SPO11: variants seen among roughly 807,000 people sequenced by gnomAD.
SPO11 encodes the protein SPO11 initiator of meiotic double strand breaks.
Under a neutral mutation model 51.6 loss-of-function variants are expected in SPO11, and 49 were observed. The ratio of observed to expected loss-of-function variants is 0.95; its 90% CI spans 0.75 to 1.20. The LOEUF (loss-of-function observed/expected upper bound fraction) is 1.20, where lower values mean the gene tolerates loss of function less well. SPO11 is among the 50% of genes most tolerant of loss of function. The probability of loss-of-function intolerance (pLI) is 0.00; values close to 1 mark genes in which losing one functional copy is unlikely to be tolerated. For missense variants in SPO11, 431 were observed against 473.4 expected (o/e 0.91, Z 0.83); for synonymous variants, 176 against 158.2 (o/e 1.11, Z -0.84).
rs753478196 is a variant in SPO11, at chr20:57,334,760, CA to C, written c.525del (p.Gly176ValfsTer2). On this transcript the variant is annotated frameshift_variant, in exon 6 of 13. Coordinates refer to ENST00000371263, the MANE Select transcript of SPO11 (RefSeq NM_012444.3). LOFTEE classifies it high-confidence loss of function. ...TATTATTTTTTGCAGTTATCTACATCAAAAGGTTTAATTGCTGGCAACTTAA... is the reference window on the plus strand; with the variant it reads ...TATTATTTTTTGCAGTTATCTACATCAAAGGTTTAATTGCTGGCAACTTAA... The part of the protein sequence containing the change: ...SRRSLHILST[S>X]KGLIAGNLRY... 3.7e-5 allele frequency: 59 copies of C among 1,613,126 alleles called. No individual in the cohort carries two copies. The highest frequency in any genetic ancestry group is 5.0e-5 in the Non-Finnish European group (59 of 1,179,550).
At chr20:57,333,353 G>A in intron 3 of SPO11, 77 bp downstream of exon 3, 1 of 1,055,244 alleles carries the variant, frequency 9.5e-7, no homozygotes, top group Non-Finnish European at 1.4e-6. Context: ...TTTGTTGCTA[G>A]TTAAATAATT....
Position 57,329,859 on chromosome 20 carries a change from T to TC in SPO11, c.-8dup. ...GGGCTTCTGGAGCTTCTGGCAGCCGTCTGCCCTCATGGCCTTTGCACCTAT... is the reference window on the plus strand; with the variant it reads ...GGGCTTCTGGAGCTTCTGGCAGCCGTCCTGCCCTCATGGCCTTTGCACCTAT... On this transcript the variant is annotated 5_prime_UTR_variant, in exon 1 of 13. Transcript: ENST00000371263. The TC allele has an allele frequency of 6.2e-7, 1 of 1,611,114 alleles. No homozygotes were observed.
At chr20:57,332,304 T>C (rs561225151) in intron 2 of SPO11, among the ~76,000 whole-genome samples, 1 of 152,318 alleles carries the variant, frequency 6.6e-6, no homozygotes, top group Admixed American at 6.5e-5. Flanking sequence ...TTCTCACATA[T>C]GCCACAAAAG....
In SPO11 at chr20:57,337,783, T is replaced by C. The variant is rs190907136; in HGVS notation, c.745-493T>C. Reference sequence around the variant, plus strand: ...ACCTGAAATCCAAGGTAGGAAGATGTAACCCTTTTTTTTGGTGCTGTGACT... The same window carrying C: ...ACCTGAAATCCAAGGTAGGAAGATGCAACCCTTTTTTTTGGTGCTGTGACT... On this transcript the variant is annotated intron_variant, in intron 8 of 12. Transcript: ENST00000371263. 5.5e-4 allele frequency: 724 copies of C among 1,306,212 alleles called. 1 individual carries two copies. Among genetic ancestry groups the C allele is most frequent in the Non-Finnish European group, 5.7e-4 (565 of 995,926 alleles). The allele number at this position is 1,306,212 out of a possible 1,614,324, so 80.9% of individuals were successfully genotyped here. A position where few individuals can be genotyped will look rare whatever the true frequency, so the allele number is the denominator to read the frequency against.
chr20:57,335,384 CT>C (rs753266523), intron 6 of SPO11, 34 bp from the exon 7 acceptor site: 39 of 1,573,872 alleles, frequency 2.5e-5, no homozygotes, highest in Non-Finnish European at 3.3e-5. Context: ...GGTTATTTTG[CT>C]TTTTATGTAA....
chr20:57,332,714 G>A (rs1185178662), intron 2 of SPO11, among the ~76,000 whole-genome samples: 1 of 152,180 alleles, frequency 6.6e-6, no homozygotes, highest in Non-Finnish European at 1.5e-5. Context: ...AAGCTTGGCA[G>A]TTCAACTTAA....
intron 4 of SPO11, 62 bp downstream of exon 4, chr20:57,333,815 C>T (rs2066477878): frequency 2.7e-6 from 3 of 1,090,952 alleles, no homozygotes; most frequent in Non-Finnish European, 4.1e-6. Flanking sequence ...GTTGGATTAA[C>T]TTTTATTATA....
chr20:57,341,598 G>A (rs2066582676), intron 11 of SPO11, among the ~76,000 whole-genome samples: 1 of 152,218 alleles, frequency 6.6e-6, no homozygotes, highest in Admixed American at 6.5e-5. Context: ...AATGTGAACA[G>A]GTTTTGGGTG....
Position 57,339,032 on chromosome 20 carries a change from T to A in SPO11, c.882+6T>A. 1.4e-6 allele frequency: 2 copies of A among 1,457,716 alleles called. No individual in the cohort carries two copies. The highest frequency in any genetic ancestry group is 1.9e-6 in the Non-Finnish European group (2 of 1,074,042). 90.3% of individuals were successfully genotyped at this position (1,457,716 alleles called of 1,614,324 possible). A position where few individuals can be genotyped will look rare whatever the true frequency, so the allele number is the denominator to read the frequency against. ...TCTATAAGTATGGATCTATGGTAAG[T>A]ATAGAAAAGCAGTTTTCCTTTTTTA... On this transcript the variant is annotated splice_donor_region_variant and intron_variant, in intron 10 of 12. Transcript: ENST00000371263.
At chr20:57,338,216 A>C in intron 8 of SPO11, 60 bp from the exon 9 acceptor site, 1 of 1,203,240 alleles carries the variant, frequency 8.3e-7, no homozygotes, top group South Asian at 1.3e-5. Context: ...TAATAAGAGT[A>C]TAATTGTAAC....
intron 8 of SPO11, 105 bp from the exon 9 acceptor site, chr20:57,338,171 G>A (rs2066535998): frequency 8.3e-6 from 7 of 848,334 alleles, no homozygotes; most frequent in South Asian, 1.6e-5. Flanking sequence ...GATTACAGGC[G>A]TGAACCACTG....
chr20:57,338,977 T>C lies in SPO11; in HGVS notation c.845-12T>C. On this transcript the variant is annotated splice_polypyrimidine_tract_variant and intron_variant, in intron 9 of 12. Transcript: ENST00000371263. Reference sequence around the variant, plus strand: ...AAGGAGACTAATTTTATAGTTAACTTTCTTTTAACAGGCATAGAAATAATG... The same window carrying C: ...AAGGAGACTAATTTTATAGTTAACTCTCTTTTAACAGGCATAGAAATAATG... 6.8e-7 allele frequency: 1 copy of C among 1,462,470 alleles called. No individual in the cohort carries two copies. The highest frequency in any genetic ancestry group is 9.3e-7 in the Non-Finnish European group (1 of 1,069,670). 90.6% of individuals were successfully genotyped at this position (1,462,470 alleles called of 1,614,324 possible).
intron 4 of SPO11, 44 bp downstream of exon 4, chr20:57,333,797 G>C (rs1460983021): frequency 8.5e-7 from 1 of 1,180,582 alleles, no homozygotes; most frequent in Non-Finnish European, 1.2e-6. Context: ...AATGTAATGT[G>C]AGAAATAGTT....
At chr20:57,342,403 G>A (rs28368098) in intron 11 of SPO11, among the ~76,000 whole-genome samples, 6,077 of 152,314 alleles carry the variant, frequency 0.04, 181 homozygotes, top group African/African-American at 0.089. Flanking sequence ...CCTGGTATCT[G>A]TATACCTGAT....
chr20:57,342,999 A>C (rs2066601874), intron 12 of SPO11, among the ~76,000 whole-genome samples, 159 bp downstream of exon 12: 1 of 152,222 alleles, frequency 6.6e-6, no homozygotes, highest in Admixed American at 6.5e-5. Context: ...AAATTGAGTC[A>C]TATGAATGCT....
Position 57,333,194 on chromosome 20 carries a change from A to C in SPO11, c.252A>C (p.Glu84Asp), listed in dbSNP as rs1468587160. The C allele has an allele frequency of 6.3e-7, 1 of 1,599,284 alleles. No individual in the cohort carries two copies. The highest frequency in any genetic ancestry group is 2.2e-5 in the East Asian group (1 of 44,524). Reference sequence around the variant, plus strand: ...GCTTTAAACAAAATGACAGGTTTGAAGATTCTGTGGGTCTTCAGATGGTAT... The same window carrying C: ...GCTTTAAACAAAATGACAGGTTTGACGATTCTGTGGGTCTTCAGATGGTAT... ...NRSSWENIKF[E>D]DSVGLQMVSH... Residue 84 changes from glutamate (E) to aspartate (D), a missense_variant, in exon 3 of 13, where the codon GAA becomes GAC. By Grantham distance (45) the Glu-to-Asp change is conservative (BLOSUM62 2). Coordinates refer to ENST00000371263, the MANE Select transcript of SPO11 (RefSeq NM_012444.3).
In SPO11 at chr20:57,331,893, A is replaced by G; in HGVS notation, c.192A>G (p.Arg64=). Residue 64 remains arginine (R), a synonymous_variant, in exon 2 of 13, where the codon AGA becomes AGG. Coordinates refer to ENST00000371263, the MANE Select transcript of SPO11 (RefSeq NM_012444.3). ...AAGACATAATCACAAGCTTGGCAAG[A>G]AATGAAGCACCTGCATTCACGATAG... ...IIQDIITSLA[R]NEAPAFTIDN... is the part of the protein sequence containing the mutation. The G allele has an allele frequency of 6.2e-7, 1 of 1,607,332 alleles. No individual in the cohort carries two copies. Among genetic ancestry groups the G allele is most frequent in the Non-Finnish European group, 8.5e-7 (1 of 1,177,030 alleles).
chr20:57,340,826 T>A (rs1438381806), intron 11 of SPO11, among the ~76,000 whole-genome samples: 1 of 152,120 alleles, frequency 6.6e-6, no homozygotes, highest in Non-Finnish European at 1.5e-5. Context: ...GACAACATCA[T>A]TTGCCATATG....
chr20:57,337,668 C>T, intron 8 of SPO11: 2 of 979,644 alleles, frequency 2.0e-6, no homozygotes, highest in African/African-American at 1.7e-5. Context: ...TCCTTAGGAC[C>T]ATTTCCTAGG....
Sources: allele counts gnomAD v4.1 joint callset (sites outside exome capture counted in the v4.1 genomes callset), GRCh38; gene constraint gnomAD v4.1.1; transcripts MANE v1.5; gene names NCBI Gene and HGNC (gene_info 2026-07-23, HGNC 2026-07-21).